The following PHF19 variants were observed in gnomAD, a reference collection of about 807,000 sequenced individuals.
The protein encoded by PHF19 is polycomb like 3.
In PHF19, 21 loss-of-function variants were observed where a neutral mutation model predicts 79.8. The ratio of observed to expected loss-of-function variants is 0.26; its 90% confidence interval spans 0.19 to 0.38. The LOEUF (loss-of-function observed/expected upper bound fraction) is 0.38, where lower values mean the gene tolerates loss of function less well. Among genes scored for constraint, PHF19 ranks in the 10% least tolerant of loss-of-function variants. The pLI is 1.00. For missense variants in PHF19, 445 were observed against 744.2 expected (o/e 0.60, Z 4.68); for synonymous variants, 273 against 296.3 (o/e 0.92, Z 0.81).
In PHF19 at chr9:120,869,478, C is replaced by G. The variant is rs754862792; in HGVS notation, c.466-148G>C. On this transcript the variant is annotated intron_variant, in intron 5 of 14. Transcript: ENST00000373896. This position sits in a 1 kb window ranked among gnomAD's most constrained non-coding sequence, Gnocchi z 5.8. ...GTCAGAAAAGCAAGGAGCTTTTTCT[C>G]ATTAATTCCAAACCCATCCCCTCTA... 5.2e-6 allele frequency: 7 copies of G among 1,333,548 alleles called. No individual in the cohort carries two copies. The highest frequency in any genetic ancestry group is 7.0e-6 in the Non-Finnish European group (7 of 1,002,004). 82.6% of individuals were successfully genotyped at this position (1,333,548 alleles called of 1,614,324 possible). A position where few individuals can be genotyped will look rare whatever the true frequency, so the allele number is the denominator to read the frequency against.
chr9:120,868,735 CCT>C (rs2045783887), intron 6 of PHF19: 1 of 681,842 alleles, frequency 1.5e-6, no homozygotes, highest in Non-Finnish European at 1.8e-6. Context: ...CTCCTCAGGT[CCT>C]GTTCCCGAGG....
upstream of PHF19, among the ~76,000 whole-genome samples, chr9:120,880,206 C>T (rs892100523): frequency 6.6e-6 from 1 of 152,196 alleles, no homozygotes; most frequent in Admixed American, 6.5e-5. Flanking sequence ...GAACAGCAGT[C>T]CAGATAGGCC....
At position 120,870,602 on chromosome 9, in the gene PHF19, C is replaced by G; in HGVS notation, c.269-64G>C. 6.4e-6 allele frequency: 6 copies of G among 944,210 alleles called. No individual in the cohort carries two copies. Among genetic ancestry groups the G allele is most frequent in the Non-Finnish European group, 1.0e-5 (6 of 571,886 alleles). The allele number at this position is 944,210 out of a possible 1,614,324, so 58.5% of individuals were successfully genotyped here. ...GGAATGGAAGTTTTATACTCACATT[C>G]CAGATGCCCAGCCTCTAATGTCTGC... On this transcript the variant is annotated intron_variant, in intron 3 of 14. Transcript: ENST00000373896. The surrounding 1 kb of genome is among the most constrained non-coding windows in gnomAD (Gnocchi z 4.4).
At chr9:120,877,246 C>T (rs1298304738), upstream of PHF19, 10 of 894,544 alleles carry the variant, frequency 1.1e-5, no homozygotes, top group Non-Finnish European at 6.7e-6. Flanking sequence ...GCGGGGGCGC[C>T]GCGGGGAGGA....
intron 9 of PHF19, among the ~76,000 whole-genome samples, chr9:120,864,365 T>C (rs1285055570): frequency 6.6e-6 from 1 of 152,122 alleles, no homozygotes; most frequent in Non-Finnish European, 1.5e-5. Flanking sequence ...GACCCAGTAA[T>C]GCTACTCCAT....
chr9:120,901,540 G>A, the PHF19 span, among the ~76,000 whole-genome samples: 2 of 152,154 alleles, frequency 1.3e-5, no homozygotes, highest in Non-Finnish European at 2.9e-5. Flanking sequence ...GCCTCCTTGG[G>A]CCAAGCACTT....
At chr9:120,876,678 AG>A (rs370341268) in intron 1 of PHF19, among the ~76,000 whole-genome samples, 1 of 152,056 alleles carries the variant, frequency 6.6e-6, no homozygotes, top group Admixed American at 6.5e-5. Flanking sequence ...GATGTTCAGG[AG>A]GGGGGAAAAA....
chr9:120,873,532 G>A (rs2045962843), intron 3 of PHF19, among the ~76,000 whole-genome samples: 1 of 152,234 alleles, frequency 6.6e-6, no homozygotes, highest in South Asian at 2.1e-4. Context: ...CCGTGGAGAA[G>A]GCTGCTTCCA....
intron 9 of PHF19, among the ~76,000 whole-genome samples, chr9:120,864,363 A>G (rs774245741): frequency 1.3e-5 from 2 of 152,200 alleles, no homozygotes; most frequent in Non-Finnish European, 2.9e-5. Context: ...TTGACCCAGT[A>G]ATGCTACTCC....
intron 6 of PHF19, chr9:120,868,876 T>C (rs1411679256): frequency 1.8e-6 from 2 of 1,115,030 alleles, no homozygotes; most frequent in Non-Finnish European, 1.1e-6. Flanking sequence ...CCCCAAGGTC[T>C]AACCTTCCGG....
rs545096895 is a variant in PHF19 at position 120,869,298 on chromosome 9, G to A, written c.498C>T (p.Ala166=). 6.2e-7 allele frequency: 1 copy of A among 1,612,954 alleles called. No homozygotes were observed. The highest frequency in any genetic ancestry group is 1.3e-5 in the African/African-American group (1 of 75,062). ...KGGALKKGAI[A]RTLQAVKMVL... ...CCATCTTCACGGCCTGCAGCGTCCTGGCGATGGCGCCCTTCTTCAGCGCGC... is the reference window on the plus strand; with the variant it reads ...CCATCTTCACGGCCTGCAGCGTCCTAGCGATGGCGCCCTTCTTCAGCGCGC... The change falls in exon 6 of 15, where the codon GCC becomes GCT. Residue 166 remains alanine (A), a synonymous_variant. Transcript: ENST00000373896. The surrounding 1 kb of genome is among the most constrained non-coding windows in gnomAD (Gnocchi z 5.8).
intron 1 of PHF19, among the ~76,000 whole-genome samples, chr9:120,893,012 G>A (rs1409795366): frequency 6.6e-6 from 1 of 152,168 alleles, no homozygotes; most frequent in Non-Finnish European, 1.5e-5. Context: ...ACCTCTCTTA[G>A]CCTCAGTTTC....
Position 120,856,691 on chromosome 9 carries a change from C to A in PHF19, c.*1253G>T, listed in dbSNP as rs1298825121. 1 of 152,624 alleles carries A rather than the reference C, an allele frequency of 6.6e-6. No homozygotes were observed. The highest frequency in any genetic ancestry group is 1.5e-5 in the Non-Finnish European group (1 of 68,070). The allele number at this position is 152,624 out of a possible 1,614,324, so 9.5% of individuals were successfully genotyped here. ...TGGCAAGGGCTTCCCTTTGAGGGAA[C>A]CAAATGATGCAGGCTCTTTAAAAAT... is the stretch of plus-strand genomic sequence containing the variant. On this transcript the variant is annotated 3_prime_UTR_variant, in exon 15 of 15. Coordinates refer to ENST00000373896, the MANE Select transcript of PHF19 (RefSeq NM_015651.3).
chr9:120,860,376 C>T lies in PHF19; in HGVS notation c.1305-191G>A. On this transcript the variant is annotated intron_variant, in intron 13 of 14. Coordinates refer to ENST00000373896, the MANE Select transcript of PHF19 (RefSeq NM_015651.3). This position sits in a 1 kb window ranked among gnomAD's most constrained non-coding sequence, Gnocchi z 4.1. ...TTCAAAGTCCAAGAAGTCAAAAAAA[C>T]CTCCTGGAGCACCCTCCCCTGGCGG... 1.8e-6 allele frequency: 1 copy of T among 567,632 alleles called. No homozygotes were observed. Among genetic ancestry groups the T allele is most frequent in the South Asian group, 2.0e-5 (1 of 50,462 alleles). The allele number at this position is 567,632 out of a possible 1,614,324, so 35.2% of individuals were successfully genotyped here. A position where few individuals can be genotyped will look rare whatever the true frequency, so the allele number is the denominator to read the frequency against.
chr9:120,883,041 T>G (rs1159562060), intron 1 of PHF19, among the ~76,000 whole-genome samples: 7 of 152,184 alleles, frequency 4.6e-5, no homozygotes, highest in Non-Finnish European at 1.0e-4. Context: ...CAGATTACAG[T>G]AGAAAGCACG....
chr9:120,898,090 C>T (rs956377998), upstream of PHF19, among the ~76,000 whole-genome samples: 1 of 152,040 alleles, frequency 6.6e-6, no homozygotes, highest in Non-Finnish European at 1.5e-5. Flanking sequence ...CCACATTTCA[C>T]GTGTTGTGTG....
Position 120,860,618 on chromosome 9 carries a change from G to C in PHF19, c.1305-433C>G. 1 of 226,888 alleles carries C rather than the reference G, an allele frequency of 4.4e-6. No individual in the cohort carries two copies. 14.1% of individuals were successfully genotyped at this position (226,888 alleles called of 1,614,324 possible). Reference sequence around the variant, plus strand: ...TCTAAAGCCCTCCTCTGTGTCCTCAGGAAAATACTAAATGACCTTTAATAA... The same window carrying C: ...TCTAAAGCCCTCCTCTGTGTCCTCACGAAAATACTAAATGACCTTTAATAA... On this transcript the variant is annotated intron_variant, in intron 13 of 14. Coordinates refer to ENST00000373896, the MANE Select transcript of PHF19 (RefSeq NM_015651.3). This position sits in a 1 kb window ranked among gnomAD's most constrained non-coding sequence, Gnocchi z 4.1.
At position 120,870,055 on chromosome 9, in the gene PHF19, C is replaced by A; in HGVS notation, c.365-110G>T. On this transcript the variant is annotated intron_variant, in intron 4 of 14. Transcript: ENST00000373896. This position sits in a 1 kb window ranked among gnomAD's most constrained non-coding sequence, Gnocchi z 4.4. ...GCTGAGGGAAGTCCTAGGAGCTCTG[C>A]CTGCCAGCTGCCGGGAGCCTGGCTG... 6.9e-7 allele frequency: 1 copy of A among 1,455,492 alleles called. No individual in the cohort carries two copies. 90.2% of individuals were successfully genotyped at this position (1,455,492 alleles called of 1,614,324 possible).
chr9:120,863,967 T>C (rs2045617253), intron 10 of PHF19, 82 bp downstream of exon 10: 4 of 1,123,240 alleles, frequency 3.6e-6, no homozygotes, highest in Admixed American at 2.0e-5. Context: ...GCAGGGAGCA[T>C]AGCCTGAGCA....
Sources: gnomAD v4.1 joint callset for allele counts (sites outside exome capture counted in the v4.1 genomes callset) on GRCh38, gnomAD v4.1.1 for gene constraint, Gnocchi (gnomAD v3.1) non-coding constraint, MANE v1.5 for transcripts, NCBI Gene and HGNC (gene_info 2026-07-23, HGNC 2026-07-21) for gene names.